The following ARHGEF16 variants were observed in gnomAD, a reference collection of about 807,000 sequenced individuals.
ARHGEF16 encodes the protein Rho guanine nucleotide exchange factor 16, also known as Rho guanine exchange factor (GEF) 16.
Under a neutral mutation model 74.1 loss-of-function variants are expected in ARHGEF16, and 59 were observed. The observed-to-expected ratio is 0.80, with a 90% CI of 0.65 to 0.99. The LOEUF (loss-of-function observed/expected upper bound fraction) is 0.99. ARHGEF16 is among the 50% of genes least tolerant of loss of function. The pLI is 0.00. For synonymous variants in ARHGEF16, 415 were observed against 412.6 expected, an observed-to-expected ratio of 1.01 and a Z score of -0.07; for missense variants, 948 against 986.6, an observed-to-expected ratio of 0.96 and a Z score of 0.52.
chr1:3,469,117 C>A (rs904762118), intron 5 of ARHGEF16, among the ~76,000 whole-genome samples, 181 bp downstream of exon 5: 5 of 152,202 alleles, frequency 3.3e-5, no homozygotes, highest in Non-Finnish European at 7.4e-5. Context: ...CTGCGCCAGG[C>A]CCTGACGGAG....
At chr1:3,459,455 T>C (rs549308284) in intron 1 of ARHGEF16, among the ~76,000 whole-genome samples, 2 of 152,200 alleles carry the variant, frequency 1.3e-5, no homozygotes, top group South Asian at 4.2e-4. Context: ...TTTCAGGCAG[T>C]CCAAAAGATG....
chr1:3,480,061 C>A, intron 14 of ARHGEF16, 148 bp downstream of exon 14: 1 of 749,790 alleles, frequency 1.3e-6, no homozygotes, highest in Non-Finnish European at 2.2e-6. Flanking sequence ...GGGAGCACTC[C>A]CACATCCCCA....
At position 3,477,975 on chromosome 1, in the gene ARHGEF16, C is replaced by T. The variant is rs201865831; in HGVS notation, c.1574C>T (p.Thr525Met). 28 of 1,612,692 alleles carry T rather than the reference C, an allele frequency of 1.7e-5. No individual in the cohort carries two copies. The highest frequency in any genetic ancestry group is 1.7e-4 in the Middle Eastern group (1 of 6,060). Residue 525 changes from threonine to methionine, a missense_variant, in exon 11 of 15, where the codon ACG (threonine) becomes ATG (methionine). Coordinates refer to ENST00000378378, the MANE Select transcript of ARHGEF16 (RefSeq NM_014448.4). ...TTTCGAAAAATTGCCAGCCGGCCAA[C>T]GTGCTACCTTTTCCTGTTCAACGAT... Reference protein sequence around the residue: ...GLFRKIASRPTCYLFLFNDVL... With the variant: ...GLFRKIASRPMCYLFLFNDVL...
At chr1:3,460,030 G>A (rs757216870) in intron 1 of ARHGEF16, among the ~76,000 whole-genome samples, 2 of 152,214 alleles carry the variant, frequency 1.3e-5, no homozygotes, top group South Asian at 2.1e-4. Flanking sequence ...CTTTTGAAAC[G>A]GTGTCTGTGT....
Position 3,463,138 on chromosome 1 carries a change from CT to C in ARHGEF16, c.56del (p.Phe19SerfsTer55). 6.7e-7 allele frequency: 1 copy of C among 1,487,958 alleles called. No individual in the cohort carries two copies. The highest frequency in any genetic ancestry group is 9.0e-7 in the Non-Finnish European group (1 of 1,113,736). 92.2% of individuals were successfully genotyped at this position (1,487,958 alleles called of 1,614,324 possible). On this transcript the variant is annotated frameshift_variant, in exon 2 of 15. Transcript: ENST00000378378. LOFTEE classifies it high-confidence loss of function. ...SLEEKLLGHR[F>X]HSELRLDAGG... ...TGGAGGAGAAGCTCCTGGGACACCG[CT>C]TCCACTCGGAGCTCCGGCTCGATGC...
intron 1 of ARHGEF16, among the ~76,000 whole-genome samples, chr1:3,457,776 G>A (rs1476392745): frequency 1.3e-5 from 2 of 152,172 alleles, no homozygotes; most frequent in African/African-American, 2.4e-5. Flanking sequence ...CATGGATTCC[G>A]CCTGCTCGCC....
chr1:3,460,144 C>A (rs1639357892), intron 1 of ARHGEF16, among the ~76,000 whole-genome samples: 1 of 152,206 alleles, frequency 6.6e-6, no homozygotes, highest in Non-Finnish European at 1.5e-5. Context: ...CTGCCCACAC[C>A]CCTCAGGCTC....
chr1:3,466,107 C>T (rs1394578272), intron 2 of ARHGEF16, 41 bp from the exon 3 acceptor site: 1 of 1,547,258 alleles, frequency 6.5e-7, no homozygotes, highest in South Asian at 1.2e-5. Context: ...AACACCTGCC[C>T]CGGCTGACAG....
rs1361769900 is a variant in ARHGEF16 at position 3,480,641 on chromosome 1, C to T, written c.*54C>T. On this transcript the variant is annotated 3_prime_UTR_variant, in exon 15 of 15. Coordinates refer to ENST00000378378, the MANE Select transcript of ARHGEF16 (RefSeq NM_014448.4). ...AGCCTGTCTCCAATCAGCAAGTGGT[C>T]GTGCCTGGCTCTAGAGAGCGTGGGG... 5.7e-6 allele frequency: 9 copies of T among 1,582,396 alleles called. No homozygotes were observed. The highest frequency in any genetic ancestry group is 5.1e-5 in the Admixed American group (3 of 58,964).
Position 3,473,412 on chromosome 1 carries a change from C to G in ARHGEF16, c.1195C>G (p.Arg399Gly), listed in dbSNP as rs761184077. ...TTGCAGAAGCAGCAACGCCGCCTTCCGAGAGGCCCTGAGAGAGATTGAGAG... is the reference window on the plus strand; with the variant it reads ...TTGCAGAAGCAGCAACGCCGCCTTCGGAGAGGCCCTGAGAGAGATTGAGAG... ...QKLISSNAAFREALREIERRP... is the reference protein window; with the variant it reads ...QKLISSNAAFGEALREIERRP... The change falls in exon 8 of 15, where the codon CGA becomes GGA. Residue 399 changes from arginine to glycine, a missense_variant. Physicochemically the swap from Arg to Gly is moderately radical, Grantham distance 125 (BLOSUM62 -2). Coordinates refer to ENST00000378378, the MANE Select transcript of ARHGEF16 (RefSeq NM_014448.4). 2 of 1,609,582 alleles carry G rather than the reference C, an allele frequency of 1.2e-6. No homozygotes were observed. Among genetic ancestry groups the G allele is most frequent in the African/African-American group, 2.7e-5 (2 of 74,886 alleles).
rs761993984 is a variant in ARHGEF16, at chr1:3,473,111, C to A, written c.1056C>A (p.Ala352=). The A allele has an allele frequency of 6.2e-7, 1 of 1,613,404 alleles. No individual in the cohort carries two copies. The change falls in exon 7 of 15, where the codon GCC becomes GCA. Residue 352 remains alanine, a synonymous_variant. Coordinates refer to ENST00000378378, the MANE Select transcript of ARHGEF16 (RefSeq NM_014448.4). ...AGGACCTGGAGCAGCGGCACAAGGCCCAGGTGCTGGTCGAGGACATCAGTG... is the reference window on the plus strand; with the variant it reads ...AGGACCTGGAGCAGCGGCACAAGGCACAGGTGCTGGTCGAGGACATCAGTG... The part of the protein sequence containing the change: ...FFEDLEQRHK[A]QVLVEDISDI...
At chr1:3,473,723 C>T (rs1382883552) in intron 8 of ARHGEF16, 25 of 867,526 alleles carry the variant, frequency 2.9e-5, no homozygotes, top group Middle Eastern at 2.3e-4. Flanking sequence ...CTCACTGTGC[C>T]GGGAACTGTT....
intron 1 of ARHGEF16, among the ~76,000 whole-genome samples, chr1:3,461,746 C>T (rs564437015): frequency 1.3e-5 from 2 of 152,182 alleles, no homozygotes; most frequent in Non-Finnish European, 2.9e-5. Flanking sequence ...TCCTGGAGGC[C>T]GTGTCGGCTG....
chr1:3,479,243 G>C (rs779473325), intron 12 of ARHGEF16, among the ~76,000 whole-genome samples: 1 of 152,186 alleles, frequency 6.6e-6, no homozygotes, highest in Admixed American at 6.5e-5. Flanking sequence ...GCAAACGGAG[G>C]GGGCAGGGAG....
chr1:3,474,595 T>A, intron 8 of ARHGEF16, 113 bp from the exon 9 acceptor site: 1 of 983,482 alleles, frequency 1.0e-6, no homozygotes, highest in Middle Eastern at 2.2e-4. Flanking sequence ...AGGAGCCCCC[T>A]GGGGGCAGCT....
chr1:3,475,961 G>T lies in ARHGEF16; in HGVS notation c.1381-9G>T, dbSNP rs1639858548. The T allele has an allele frequency of 6.5e-7, 1 of 1,549,682 alleles. No homozygotes were observed. Among genetic ancestry groups the T allele is most frequent in the Non-Finnish European group, 8.7e-7 (1 of 1,146,530 alleles). On this transcript the variant is annotated splice_polypyrimidine_tract_variant and intron_variant, in intron 9 of 14. Coordinates refer to ENST00000378378, the MANE Select transcript of ARHGEF16 (RefSeq NM_014448.4). Reference sequence around the variant, plus strand: ...CACCAGCCTCTCACACGGGAACCATGCCCTGCAGCTGGTGAGGCAGTGCAA... The same window carrying T: ...CACCAGCCTCTCACACGGGAACCATTCCCTGCAGCTGGTGAGGCAGTGCAA...
chr1:3,468,130 G>A (rs1231259337), intron 4 of ARHGEF16, among the ~76,000 whole-genome samples: 1 of 152,214 alleles, frequency 6.6e-6, no homozygotes, highest in African/African-American at 2.4e-5. Flanking sequence ...GGAGCTGGGG[G>A]CGTGTGGTCT....
chr1:3,457,186 C>T (rs1639283655), intron 1 of ARHGEF16, among the ~76,000 whole-genome samples: 1 of 152,252 alleles, frequency 6.6e-6, no homozygotes, highest in Non-Finnish European at 1.5e-5. Context: ...CAAGTCCTCC[C>T]CCCGATTATG....
intron 6 of ARHGEF16, among the ~76,000 whole-genome samples, chr1:3,472,229 C>T (rs1490328069): frequency 1.3e-5 from 2 of 152,234 alleles, no homozygotes; most frequent in Admixed American, 6.5e-5. Context: ...CTCCAGCCAC[C>T]GCCTCACACA....
Sources: allele counts gnomAD v4.1 joint callset (sites outside exome capture counted in the v4.1 genomes callset), GRCh38; gene constraint gnomAD v4.1.1; transcripts MANE v1.5; gene names NCBI Gene and HGNC (gene_info 2026-07-23, HGNC 2026-07-21).